Variants in CSMD1 observed in about 807,000 individuals in gnomAD.
The protein encoded by CSMD1 is CUB and Sushi multiple domains 1.
Under a neutral mutation model 417.5 loss-of-function variants are expected in CSMD1, and 213 were observed. The ratio of observed to expected loss-of-function variants is 0.51; its 90% CI spans 0.46 to 0.57. The LOEUF (loss-of-function observed/expected upper bound fraction) is 0.57. CSMD1 is among the 20% of genes least tolerant of loss of function. The pLI is 0.00. For synonymous variants in CSMD1, 2,862 were observed against 1,736.8 expected (o/e 1.65, Z -16.11); for missense variants, 6,923 against 4,529.7 (o/e 1.53, Z -15.17).
intron 5 of CSMD1, among the ~76,000 whole-genome samples, chr8:3,829,179 C>T (rs1298416190): frequency 2.0e-5 from 3 of 152,132 alleles, no homozygotes; most frequent in Admixed American, 6.6e-5. Context: ...CCCTCGCCCT[C>T]CTTTCACTTT....
chr8:4,452,718 AACACGG>A (rs1415477768), intron 2 of CSMD1, among the ~76,000 whole-genome samples: 3 of 152,192 alleles, frequency 2.0e-5, no homozygotes, highest in African/African-American at 7.2e-5. Flanking sequence ...CATTTAAATC[AACACGG>A]ACACAGACAC....
chr8:3,909,865 T>C (rs924383624), intron 5 of CSMD1, among the ~76,000 whole-genome samples: 2 of 152,100 alleles, frequency 1.3e-5, no homozygotes, highest in South Asian at 2.1e-4. Flanking sequence ...TACAAGTTGA[T>C]GGAATGGGTA....
intron 2 of CSMD1, among the ~76,000 whole-genome samples, chr8:4,540,114 G>A (rs1797305482): frequency 6.6e-6 from 1 of 151,260 alleles, no homozygotes; most frequent in African/African-American, 2.5e-5. Context: ...TAAGCCCTAT[G>A]AATATATAAA....
intron 1 of CSMD1, among the ~76,000 whole-genome samples, chr8:4,918,448 G>C (rs963138963): frequency 6.6e-5 from 10 of 151,860 alleles, no homozygotes; most frequent in East Asian, 1.9e-4. Flanking sequence ...TATCCACCTG[G>C]ACTTCATTAC....
chr8:4,579,047 C>T (rs890506342), intron 2 of CSMD1, among the ~76,000 whole-genome samples: 1 of 151,482 alleles, frequency 6.6e-6, no homozygotes, highest in South Asian at 2.1e-4. Flanking sequence ...TTAGACACTG[C>T]AAAAGATATC....
intron 2 of CSMD1, among the ~76,000 whole-genome samples, chr8:4,583,138 A>G (rs10109495): frequency 1 from 151,606 of 152,268 alleles, 75,478 homozygotes; most frequent in Middle Eastern, 1. Context: ...TGTGCGGCCC[A>G]AGCCTCCCCA....
chr8:4,061,636 G>T (rs1009798025), intron 3 of CSMD1, among the ~76,000 whole-genome samples: 1 of 152,156 alleles, frequency 6.6e-6, no homozygotes, highest in African/African-American at 2.4e-5. Flanking sequence ...ATTCTGCAAG[G>T]GAGGATGGAC....
Position 4,398,605 on chromosome 8 carries a change from C to G in CSMD1, c.415+21348G>C, listed in dbSNP as rs567724483. Among the ~76,000 whole-genome samples the G allele has an allele frequency of 4.7e-3, 709 of 152,076 alleles. 2 individuals are homozygous for G. Among genetic ancestry groups the G allele is most frequent in the South Asian group, 8.1e-3 (39 of 4,816 alleles). Reference sequence around the variant, plus strand: ...AGAGACGGGGTTTCACCGTGTTAGCCAGGATTGTCTCGATCTCCTGACCTC... The same window carrying G: ...AGAGACGGGGTTTCACCGTGTTAGCGAGGATTGTCTCGATCTCCTGACCTC... On this transcript the variant is annotated intron_variant, in intron 3 of 69. Coordinates refer to ENST00000635120, the MANE Select transcript of CSMD1 (RefSeq NM_033225.6).
intron 51 of CSMD1, among the ~76,000 whole-genome samples, chr8:3,024,959 T>C (rs1455200411): frequency 2.0e-5 from 3 of 150,544 alleles, no homozygotes; most frequent in Non-Finnish European, 4.5e-5. Context: ...GCCCTAAAAC[T>C]GTGTATTGTG....
In CSMD1 at chr8:4,845,261, A is replaced by G. The variant is rs141018960; in HGVS notation, c.85+149071T>C. On this transcript the variant is annotated intron_variant, in intron 1 of 69. Transcript: ENST00000635120. Reference sequence around the variant, plus strand: ...GTATTATATTTGATAAAGACACAAGAAAGCCATCAACATTTTTCGATTTAG... The same window carrying G: ...GTATTATATTTGATAAAGACACAAGGAAGCCATCAACATTTTTCGATTTAG... Among the ~76,000 whole-genome samples, 926 of 152,322 alleles carry G rather than the reference A, an allele frequency of 6.1e-3. 12 individuals are homozygous for G. Among genetic ancestry groups the G allele is most frequent in the African/African-American group, 0.021 (891 of 41,558 alleles).
chr8:3,365,449 G>A (rs943928825), intron 20 of CSMD1, among the ~76,000 whole-genome samples: 1 of 152,192 alleles, frequency 6.6e-6, no homozygotes, highest in East Asian at 1.9e-4. Flanking sequence ...GTAGGCAATT[G>A]TGAAGTTCTT....
chr8:3,302,584 C>T (rs1383623491), intron 25 of CSMD1, among the ~76,000 whole-genome samples: 1 of 152,180 alleles, frequency 6.6e-6, no homozygotes, highest in East Asian at 1.9e-4. Context: ...GTGCACTGAT[C>T]ACTGGGAGCA....
At chr8:3,954,914 C>G (rs1319120724) in intron 5 of CSMD1, among the ~76,000 whole-genome samples, 1 of 152,206 alleles carries the variant, frequency 6.6e-6, no homozygotes, top group Non-Finnish European at 1.5e-5. Context: ...GCTCCTCCAT[C>G]TTTGTCCTTT....
chr8:4,645,203 C>T (rs1448248856), intron 1 of CSMD1, among the ~76,000 whole-genome samples: 1 of 151,990 alleles, frequency 6.6e-6, no homozygotes. Flanking sequence ...CTTTTTCCTT[C>T]TAGACAGGGG....
chr8:3,080,534 AC>A (rs1411358459), intron 49 of CSMD1, among the ~76,000 whole-genome samples: 7 of 152,150 alleles, frequency 4.6e-5, no homozygotes, highest in Non-Finnish European at 1.0e-4. Context: ...TGGTAGCGAA[AC>A]TTTTATTTGC....
chr8:4,092,223 C>G (rs1354695100), intron 3 of CSMD1, among the ~76,000 whole-genome samples: 1 of 152,110 alleles, frequency 6.6e-6, no homozygotes, highest in Non-Finnish European at 1.5e-5. Context: ...TTAAGGTCAT[C>G]CTAGAAAAGG....
intron 3 of CSMD1, among the ~76,000 whole-genome samples, chr8:4,109,219 A>G (rs544223341): frequency 2.0e-5 from 3 of 152,200 alleles, no homozygotes; most frequent in African/African-American, 2.4e-5. Flanking sequence ...TATTTTCGGT[A>G]TAGACACAAC....
intron 2 of CSMD1, among the ~76,000 whole-genome samples, chr8:4,556,398 C>T (rs12546056): frequency 0.25 from 38,628 of 151,918 alleles, 5,466 homozygotes; most frequent in African/African-American, 0.39. Flanking sequence ...GCATTGTAAG[C>T]TGGCAAGACT....
intron 50 of CSMD1, 125 bp from the exon 51 acceptor site, chr8:3,029,638 C>G (rs1810206559): frequency 4.2e-6 from 3 of 717,662 alleles, no homozygotes; most frequent in African/African-American, 1.8e-5. Context: ...GATGCCATTA[C>G]GTATTATCTC....
Sources: gnomAD v4.1 joint callset for allele counts (sites outside exome capture counted in the v4.1 genomes callset) on GRCh38, gnomAD v4.1.1 for gene constraint, MANE v1.5 for transcripts, NCBI Gene and HGNC (gene_info 2026-07-23, HGNC 2026-07-21) for gene names.